The following KYNU variants were observed in gnomAD, a reference collection of about 807,000 sequenced individuals.
KYNU encodes kynureninase.
In KYNU, 54 loss-of-function variants were observed where a neutral mutation model predicts 59.2. The observed-to-expected ratio is 0.91, with a 90% CI of 0.73 to 1.14. The LOEUF is 1.14. KYNU is among the 50% of genes most tolerant of loss of function. KYNU has a pLI of 0.00. For missense variants in KYNU, 567 were observed against 554.4 expected (o/e 1.02, Z -0.23); for synonymous variants, 177 against 192.0 (o/e 0.92, Z 0.65).
intron 1 of KYNU, among the ~76,000 whole-genome samples, chr2:142,879,091 T>C (rs935707735): frequency 2.0e-5 from 3 of 152,222 alleles, no homozygotes; most frequent in Non-Finnish European, 2.9e-5. Flanking sequence ...TATGAGCATG[T>C]CACTTTATTT....
chr2:142,912,371 C>CTTT (rs60854220), intron 2 of KYNU, among the ~76,000 whole-genome samples: 358 of 89,460 alleles, frequency 4.0e-3, no homozygotes, highest in African/African-American at 5.9e-3. Flanking sequence ...TTTTGTATTT[C>CTTT]TTTTTTTTTT....
chr2:143,005,176 A>G (rs1284895585), intron 10 of KYNU, among the ~76,000 whole-genome samples: 1 of 152,186 alleles, frequency 6.6e-6, no homozygotes, highest in Non-Finnish European at 1.5e-5. Flanking sequence ...ACACTAGCAA[A>G]TTCATTAATA....
At chr2:142,897,597 T>C (rs1189003405) in intron 2 of KYNU, among the ~76,000 whole-genome samples, 1 of 152,224 alleles carries the variant, frequency 6.6e-6, no homozygotes, top group African/African-American at 2.4e-5. Flanking sequence ...TGCTTTCTAT[T>C]ACTACTTATA....
chr2:143,022,122 G>A (rs1012319905), intron 10 of KYNU, among the ~76,000 whole-genome samples: 1 of 152,028 alleles, frequency 6.6e-6, no homozygotes, highest in South Asian at 2.1e-4. Flanking sequence ...CCAAATCTTG[G>A]TATTAACGAA....
chr2:142,896,926 C>T (rs760289103), intron 2 of KYNU, among the ~76,000 whole-genome samples: 4 of 152,168 alleles, frequency 2.6e-5, no homozygotes, highest in Non-Finnish European at 5.9e-5. Context: ...TTTGAGGATG[C>T]ACAGTATATT....
rs574280398 is a variant in KYNU, at chr2:142,946,567, G to T, written c.374-8243G>T. On this transcript the variant is annotated intron_variant, in intron 4 of 13. Coordinates refer to ENST00000264170, the MANE Select transcript of KYNU (RefSeq NM_003937.3). The stretch of plus-strand genomic sequence containing the variant: ...AAATATTTCTTTTTCTGAGCATTAG[G>T]TCTCAACAGTGAGCTTAACATAGTC... Among the ~76,000 whole-genome samples the T allele has an allele frequency of 3.3e-5, 5 of 152,228 alleles. No homozygotes were observed. The South Asian group carries it at 1.0e-3, about 32-fold the overall frequency.
chr2:142,943,582 G>T (rs1403196248), intron 4 of KYNU, among the ~76,000 whole-genome samples: 1 of 152,088 alleles, frequency 6.6e-6, no homozygotes, highest in African/African-American at 2.4e-5. Flanking sequence ...AAATAAAATT[G>T]CTGAAGAATA....
chr2:143,015,419 G>A (rs968096902), intron 10 of KYNU, among the ~76,000 whole-genome samples: 15 of 152,006 alleles, frequency 9.9e-5, no homozygotes, highest in Non-Finnish European at 8.8e-5. Context: ...ATTCTCAGGC[G>A]CCAAGTAGAG....
At chr2:142,963,853 T>C (rs2105106281) in intron 8 of KYNU, among the ~76,000 whole-genome samples, 1 of 152,306 alleles carries the variant, frequency 6.6e-6, no homozygotes, top group African/African-American at 2.4e-5. Flanking sequence ...CAGAAGTATT[T>C]TGGATATTTT....
At chr2:142,894,084 C>T (rs139724942) in intron 2 of KYNU, among the ~76,000 whole-genome samples, 57 of 152,236 alleles carry the variant, frequency 3.7e-4, no homozygotes, top group African/African-American at 1.1e-3. Flanking sequence ...TCCACAAAGG[C>T]GTGGAAAATC....
In KYNU at chr2:143,055,829, A is replaced by AGT. The variant is rs1275226750; in HGVS notation, c.*13659_*13660dup. ...GGAAAATTTAATAAAAACAATGAACAGTGATGACTTCGGTGAGAATTTATG... is the reference window on the plus strand; with the variant it reads ...GGAAAATTTAATAAAAACAATGAACAGTGTGATGACTTCGGTGAGAATTTATG... On this transcript the variant is annotated 3_prime_UTR_variant, in exon 14 of 14. Transcript: ENST00000264170. 2 of 152,196 alleles carry AGT rather than the reference A, an allele frequency of 1.3e-5. No homozygotes were observed. The highest frequency in any genetic ancestry group is 2.4e-5 in the African/African-American group (1 of 41,454). The allele number at this position is 152,196 out of a possible 1,614,324, so 9.4% of individuals were successfully genotyped here. A position where few individuals can be genotyped will look rare whatever the true frequency, so the allele number is the denominator to read the frequency against.
At chr2:143,024,860 A>G (rs900660204) in intron 10 of KYNU, among the ~76,000 whole-genome samples, 2 of 151,732 alleles carry the variant, frequency 1.3e-5, no homozygotes, top group Non-Finnish European at 2.9e-5. Flanking sequence ...TTCTTTGGAA[A>G]CTCATTTTGA....
At chr2:142,926,917 C>G (rs1227473805) in intron 3 of KYNU, among the ~76,000 whole-genome samples, 1 of 152,200 alleles carries the variant, frequency 6.6e-6, no homozygotes, top group African/African-American at 2.4e-5. Flanking sequence ...TCATAAGATA[C>G]AACAATGTAA....
chr2:142,930,109 A>T (rs1418066952), intron 4 of KYNU, among the ~76,000 whole-genome samples: 2 of 152,136 alleles, frequency 1.3e-5, no homozygotes, highest in African/African-American at 4.8e-5. Context: ...ACGCCAGAGT[A>T]AGGTTGGAAA....
intron 10 of KYNU, among the ~76,000 whole-genome samples, chr2:143,006,360 C>T (rs1203533880): frequency 2.8e-4 from 42 of 152,014 alleles, no homozygotes; most frequent in Admixed American, 5.2e-4. Context: ...ACTTAAAAAA[C>T]GGCGCACCAC....
chr2:142,885,931 T>C (rs1240389187), intron 2 of KYNU, among the ~76,000 whole-genome samples: 1 of 152,192 alleles, frequency 6.6e-6, no homozygotes, highest in Non-Finnish European at 1.5e-5. Context: ...GATGTTTGTC[T>C]TAGAGAAAAT....
chr2:142,938,056 G>C (rs186953957), intron 4 of KYNU, among the ~76,000 whole-genome samples: 1 of 151,984 alleles, frequency 6.6e-6, no homozygotes, highest in Admixed American at 6.6e-5. Flanking sequence ...TTTTTTTTAC[G>C]GGTTAGAGTA....
intron 10 of KYNU, among the ~76,000 whole-genome samples, chr2:143,015,417 G>A (rs1254296580): frequency 6.6e-6 from 1 of 152,000 alleles, no homozygotes; most frequent in South Asian, 2.1e-4. Flanking sequence ...AAATTCTCAG[G>A]CGCCAAGTAG....
At chr2:142,920,855 A>G (rs1271855538) in intron 3 of KYNU, among the ~76,000 whole-genome samples, 1 of 152,180 alleles carries the variant, frequency 6.6e-6, no homozygotes, top group Non-Finnish European at 1.5e-5. Context: ...GGGATGCCTG[A>G]TCACCTGCCT....
Sources: gnomAD v4.1 joint callset for allele counts (sites outside exome capture counted in the v4.1 genomes callset) on GRCh38, gnomAD v4.1.1 for gene constraint, MANE v1.5 for transcripts, NCBI Gene and HGNC (gene_info 2026-07-23, HGNC 2026-07-21) for gene names.